EPB41L1: variants seen among roughly 807,000 people sequenced by gnomAD.
EPB41L1 encodes the protein band 4.1-like protein 1.
EPB41L1 carries 29 observed loss-of-function variants against 97.8 expected under a neutral mutation model. That is an observed-to-expected ratio of 0.30 (90% confidence interval 0.22 to 0.40). The LOEUF is 0.40. EPB41L1 is among the 10% of genes least tolerant of loss of function. EPB41L1 has a pLI of 1.00. For synonymous variants in EPB41L1, 383 were observed against 459.2 expected (o/e 0.83, Z 2.12); for missense variants, 812 against 1,162.3 (o/e 0.70, Z 4.38).
intron 1 of EPB41L1, among the ~76,000 whole-genome samples, chr20:36,102,054 C>T (rs1248818859): frequency 7.1e-6 from 1 of 140,564 alleles, no homozygotes; most frequent in Non-Finnish European, 1.5e-5. Context: ...ACAAAAAAAC[C>T]CAGCACTCTT....
At chr20:36,139,156 C>T (rs949482761) in intron 2 of EPB41L1, among the ~76,000 whole-genome samples, 6 of 152,168 alleles carry the variant, frequency 3.9e-5, no homozygotes, top group Non-Finnish European at 5.9e-5. Flanking sequence ...GGACGCTGTA[C>T]CCCCAGAGAG....
chr20:36,136,105 C>T (rs2059405132), intron 2 of EPB41L1, among the ~76,000 whole-genome samples: 1 of 152,032 alleles, frequency 6.6e-6, no homozygotes. Flanking sequence ...GTTTGGTTTT[C>T]TTGCTAGAAC....
chr20:36,164,393 G>T (rs776311263), intron 1 of EPB41L1, among the ~76,000 whole-genome samples: 1 of 152,010 alleles, frequency 6.6e-6, no homozygotes, highest in Non-Finnish European at 1.5e-5. Flanking sequence ...CTTTTTTTCT[G>T]CCTGGGAGTC....
At chr20:36,219,004 G>A (rs1601063303) in intron 18 of EPB41L1, 42 bp downstream of exon 18, 3 of 1,592,136 alleles carry the variant, frequency 1.9e-6, no homozygotes, top group East Asian at 2.2e-5. Flanking sequence ...ACTCCACACT[G>A]AGAATATGGG....
At chr20:36,100,951 G>A (rs1378180561) in intron 1 of EPB41L1, among the ~76,000 whole-genome samples, 3 of 152,200 alleles carry the variant, frequency 2.0e-5, no homozygotes, top group Non-Finnish European at 4.4e-5. Flanking sequence ...CTGTAGGAGA[G>A]ACACTGCATC....
At position 36,207,497 on chromosome 20, in the gene EPB41L1, G is replaced by A. The variant is rs1175477130; in HGVS notation, c.1669-1991G>A. 7.8e-7 allele frequency: 1 copy of A among 1,289,878 alleles called. No individual in the cohort carries two copies. Among genetic ancestry groups the A allele is most frequent in the Non-Finnish European group, 1.0e-6 (1 of 988,886 alleles). 79.9% of individuals were successfully genotyped at this position (1,289,878 alleles called of 1,614,324 possible). ...CACGGAGCTGAAACTCGCCGAATGA[G>A]TGAGGGTGAAGCAAGGTCCCTTCCA... is the stretch of plus-strand genomic sequence containing the variant. On this transcript the variant is annotated intron_variant, in intron 14 of 21. Coordinates refer to ENST00000338074, the MANE Select transcript of EPB41L1 (RefSeq NM_012156.2). This position sits in a 1 kb window ranked among gnomAD's most constrained non-coding sequence, Gnocchi z 4.9.
At chr20:36,114,183 TTTTC>T (rs1200190849) in intron 2 of EPB41L1, among the ~76,000 whole-genome samples, 1 of 152,230 alleles carries the variant, frequency 6.6e-6, no homozygotes, top group Non-Finnish European at 1.5e-5. Flanking sequence ...TTCTCAGTGC[TTTTC>T]TAAGTGTCAA....
At chr20:36,174,542 G>A (rs951857655) in intron 2 of EPB41L1, among the ~76,000 whole-genome samples, 1 of 151,920 alleles carries the variant, frequency 6.6e-6, no homozygotes, top group African/African-American at 2.4e-5. Flanking sequence ...CAAAGTGCTG[G>A]GATTACAGGT....
intron 1 of EPB41L1, among the ~76,000 whole-genome samples, chr20:36,108,544 C>T (rs576491127): frequency 3.0e-4 from 45 of 151,878 alleles, no homozygotes; most frequent in African/African-American, 1.1e-3. Context: ...CATGGAGGTG[C>T]GCACCTGTAA....
At chr20:36,109,608 TG>T (rs2058320921) in intron 1 of EPB41L1, 1 of 151,918 alleles carries the variant, frequency 6.6e-6, no homozygotes, top group African/African-American at 2.4e-5. Context: ...AGCTTGAGGG[TG>T]GGAGTTGGGA....
At chr20:36,182,424 A>G in intron 6 of EPB41L1, 77 bp downstream of exon 6, 1 of 1,512,976 alleles carries the variant, frequency 6.6e-7, no homozygotes, top group Non-Finnish European at 9.2e-7. Flanking sequence ...CTGGGGACAC[A>G]GGCAGTATGT....
At chr20:36,229,288 C>A in intron 21 of EPB41L1, 44 bp from the exon 22 acceptor site, 2 of 1,432,326 alleles carry the variant, frequency 1.4e-6, no homozygotes, top group Non-Finnish European at 2.0e-6. Context: ...TTCCTTTCCC[C>A]CCACTCCCCA....
chr20:36,112,319 C>T (rs1196135407), intron 1 of EPB41L1: 1 of 152,254 alleles, frequency 6.6e-6, no homozygotes, highest in Non-Finnish European at 1.5e-5. Context: ...GGTTCAGCAA[C>T]TTCCCTAAGG....
chr20:36,184,712 T>G (rs2061611214), intron 6 of EPB41L1, among the ~76,000 whole-genome samples: 1 of 152,202 alleles, frequency 6.6e-6, no homozygotes, highest in African/African-American at 2.4e-5. Flanking sequence ...CACATACATT[T>G]CTGGTCATCA....
chr20:36,146,736 G>A (rs775961026), intron 2 of EPB41L1, among the ~76,000 whole-genome samples: 1 of 152,104 alleles, frequency 6.6e-6, no homozygotes, highest in Non-Finnish European at 1.5e-5. Flanking sequence ...TGAGTGCAAG[G>A]AAATGTTTGT....
chr20:36,185,408 C>A, intron 7 of EPB41L1, 73 bp downstream of exon 7: 1 of 1,408,118 alleles, frequency 7.1e-7, no homozygotes, highest in Non-Finnish European at 9.8e-7. Flanking sequence ...CCTGAATGTC[C>A]TAGGCCGCCA....
intron 3 of EPB41L1, among the ~76,000 whole-genome samples, chr20:36,177,341 AG>A (rs2061285765): frequency 6.6e-6 from 1 of 152,178 alleles, no homozygotes; most frequent in South Asian, 2.1e-4. Context: ...CTAGCTCTAC[AG>A]GAGTGGGAGG....
In EPB41L1 at chr20:36,206,249, C is replaced by T; in HGVS notation, c.1669-3239C>T. ...GCAACCATCAGGAACCGCTGCATGT[C>T]AGATGGTCAGCCGGAGGGCCAGACA... On this transcript the variant is annotated intron_variant, in intron 14 of 21. Coordinates refer to ENST00000338074, the MANE Select transcript of EPB41L1 (RefSeq NM_012156.2). The surrounding 1 kb of genome is among the most constrained non-coding windows in gnomAD (Gnocchi z 5.5). The T allele has an allele frequency of 7.8e-7, 1 of 1,289,908 alleles. No individual in the cohort carries two copies. Among genetic ancestry groups the T allele is most frequent in the Non-Finnish European group, 1.0e-6 (1 of 988,900 alleles). The allele number at this position is 1,289,908 out of a possible 1,614,324, so 79.9% of individuals were successfully genotyped here. A position where few individuals can be genotyped will look rare whatever the true frequency, so the allele number is the denominator to read the frequency against.
intron 2 of EPB41L1, among the ~76,000 whole-genome samples, chr20:36,132,574 G>GT (rs1345529515): frequency 8.6e-6 from 1 of 116,498 alleles, no homozygotes; most frequent in Non-Finnish European, 1.8e-5. Flanking sequence ...GGGCGGGGGG[G>GT]GGGGGCGCAT....
Sources: allele counts gnomAD v4.1 joint callset (sites outside exome capture counted in the v4.1 genomes callset), GRCh38; gene constraint gnomAD v4.1.1; non-coding constraint Gnocchi (gnomAD v3.1); transcripts MANE v1.5; gene names NCBI Gene and HGNC (gene_info 2026-07-23, HGNC 2026-07-21).